The following KANK1 variants were observed in gnomAD, a reference collection of about 807,000 sequenced individuals.
The protein encoded by KANK1 is KN motif and ankyrin repeat domains 1, also known as KN motif and ankyrin repeat domain-containing protein 1.
KANK1 carries 109 observed loss-of-function variants against 106.2 expected under a neutral mutation model. The ratio of observed to expected loss-of-function variants is 1.03; its 90% CI spans 0.88 to 1.20. The LOEUF is 1.20. KANK1 is among the 50% of genes most tolerant of loss of function. The probability of loss-of-function intolerance (pLI) is 0.00; values close to 1 mark genes in which losing one functional copy is unlikely to be tolerated. For synonymous variants in KANK1, 873 were observed against 652.2 expected, an observed-to-expected ratio of 1.34 and a Z score of -5.16; for missense variants, 2,399 against 1,710.7, an observed-to-expected ratio of 1.40 and a Z score of -7.10.
chr9:648,454 A>G (rs1840198623), intron 1 of KANK1, among the ~76,000 whole-genome samples: 1 of 152,202 alleles, frequency 6.6e-6, no homozygotes, highest in Non-Finnish European at 1.5e-5. Context: ...AGACATAGAA[A>G]TGTACCAATT....
chr9:614,751 G>C (rs1276303193), intron 1 of KANK1, among the ~76,000 whole-genome samples: 1 of 152,130 alleles, frequency 6.6e-6, no homozygotes, highest in South Asian at 2.1e-4. Context: ...GGTGTAGGTT[G>C]TGGGCCTTGT....
intron 1 of KANK1, among the ~76,000 whole-genome samples, chr9:654,200 G>C (rs184641628): frequency 6.6e-6 from 1 of 152,202 alleles, no homozygotes; most frequent in Non-Finnish European, 1.5e-5. Context: ...TCAGTAGCCC[G>C]TTGTGGGGCC....
At chr9:472,329 G>A (rs553867880) in intron 2 of KANK1, among the ~76,000 whole-genome samples, 1 of 152,314 alleles carries the variant, frequency 6.6e-6, no homozygotes, top group South Asian at 2.1e-4. Context: ...ACTTTCCTAA[G>A]ATGGGGTTAT....
At chr9:570,986 G>A (rs1819002422) in intron 1 of KANK1, among the ~76,000 whole-genome samples, 1 of 151,908 alleles carries the variant, frequency 6.6e-6, no homozygotes, top group Non-Finnish European at 1.5e-5. Flanking sequence ...GAAATGTTTG[G>A]GTCAGGAGTT....
rs201101791 is a variant in KANK1, at chr9:711,755, C to T, written c.989C>T (p.Ser330Phe). 5 of 1,614,190 alleles carry T rather than the reference C, an allele frequency of 3.1e-6. No individual in the cohort carries two copies. In the Admixed American group the frequency reaches 6.7e-5, roughly 22 times the overall value. ...CGGTCCTATAGTGCGGGGAACGCCT[C>T]CCAGCTGGAACAGCTCTCCCGGGCC... ...RKRSYSAGNA[S>F]QLEQLSRARR... Residue 330 changes from serine (S) to phenylalanine (F), a missense_variant, in exon 3 of 12, where the codon TCC becomes TTC. Physicochemically the swap from Ser to Phe is radical, Grantham distance 155. Coordinates refer to ENST00000382297, the MANE Select transcript of KANK1 (RefSeq NM_015158.5).
chr9:724,705 A>G (rs1353667138), intron 3 of KANK1, among the ~76,000 whole-genome samples: 5 of 152,048 alleles, frequency 3.3e-5, no homozygotes, highest in African/African-American at 4.8e-5. Context: ...AGGAGGCTGA[A>G]GCAGGAGAAT....
intron 1 of KANK1, among the ~76,000 whole-genome samples, chr9:585,052 T>G (rs1348253022): frequency 6.6e-6 from 1 of 152,200 alleles, no homozygotes; most frequent in African/African-American, 2.4e-5. Context: ...TCTGCAGCAT[T>G]TGATGTGTTA....
chr9:624,888 G>A (rs1160140756), intron 1 of KANK1, among the ~76,000 whole-genome samples: 1 of 152,184 alleles, frequency 6.6e-6, no homozygotes, highest in Non-Finnish European at 1.5e-5. Context: ...CATCTCTGAG[G>A]AAAAGGGGTG....
chr9:594,438 G>A (rs555877166), intron 1 of KANK1, among the ~76,000 whole-genome samples: 14 of 151,908 alleles, frequency 9.2e-5, no homozygotes, highest in Middle Eastern at 3.4e-3. Context: ...CAGAAGGATG[G>A]ATGATTAAAA....
chr9:660,339 G>A (rs942949820), intron 1 of KANK1: 6 of 205,698 alleles, frequency 2.9e-5, no homozygotes, highest in East Asian at 1.2e-4. Context: ...GCTGTGGCTC[G>A]CTGAAGCTTG....
intron 1 of KANK1, among the ~76,000 whole-genome samples, chr9:518,633 G>C (rs1450694771): frequency 1.3e-5 from 2 of 151,676 alleles, no homozygotes; most frequent in Non-Finnish European, 2.9e-5. Flanking sequence ...GAGGAGCTGG[G>C]AGGAAGATGA....
At chr9:497,826 C>T (rs893120328) in intron 3 of KANK1, among the ~76,000 whole-genome samples, 11 of 149,446 alleles carry the variant, frequency 7.4e-5, no homozygotes, top group Non-Finnish European at 4.4e-5. Flanking sequence ...GCACTCCAGC[C>T]TGGGCGACAG....
At chr9:634,841 A>G (rs1047932166) in intron 1 of KANK1, among the ~76,000 whole-genome samples, 1 of 152,170 alleles carries the variant, frequency 6.6e-6, no homozygotes, top group Non-Finnish European at 1.5e-5. Context: ...CACTGATATC[A>G]TTAGGGGCCC....
At chr9:736,162 G>T (rs749083504) in intron 7 of KANK1, among the ~76,000 whole-genome samples, 1 of 152,138 alleles carries the variant, frequency 6.6e-6, no homozygotes, top group Admixed American at 6.5e-5. Flanking sequence ...GTTTCACCGT[G>T]TTAGTCAGGA....
intron 1 of KANK1, among the ~76,000 whole-genome samples, chr9:568,189 A>T (rs1008196438): frequency 2.0e-5 from 3 of 152,194 alleles, no homozygotes; most frequent in Non-Finnish European, 4.4e-5. Context: ...AATGCATGTT[A>T]AAAATCAACT....
At chr9:532,237 CTTTTTTT>C (rs34351693) in intron 1 of KANK1, among the ~76,000 whole-genome samples, 1 of 107,768 alleles carries the variant, frequency 9.3e-6, no homozygotes, top group Non-Finnish European at 1.9e-5. Flanking sequence ...GAGCATTTGT[CTTTTTTT>C]TTTTTTTTTT....
chr9:732,395 G>C lies in KANK1; in HGVS notation c.3023G>C (p.Ser1008Thr), dbSNP rs548754374. The change falls in exon 6 of 12, where the codon AGT becomes ACT. Residue 1008 changes from serine to threonine, a missense_variant. By Grantham distance (58) the Ser-to-Thr change is moderately conservative. Transcript: ENST00000382297. ...GINGGYETTSSDDSSSDESSS... is the reference protein window; with the variant it reads ...GINGGYETTSTDDSSSDESSS... ...CCACCTAGGTATGAAACAACTTCAA[G>C]TGATGATTCCAGCTCAGATGAAAGC... is the stretch of plus-strand genomic sequence containing the variant. 10 of 1,611,824 alleles carry C rather than the reference G, an allele frequency of 6.2e-6. No individual in the cohort carries two copies. In the South Asian group the frequency reaches 9.9e-5, roughly 16 times the overall value.
chr9:524,032 A>G (rs568037464), intron 1 of KANK1, among the ~76,000 whole-genome samples: 9 of 151,828 alleles, frequency 5.9e-5, no homozygotes, highest in Admixed American at 2.6e-4. Context: ...TGAGCTGCTG[A>G]TAAGGATTTA....
chr9:507,112 A>G (rs138868015), intron 1 of KANK1, among the ~76,000 whole-genome samples: 22 of 150,686 alleles, frequency 1.5e-4, no homozygotes, highest in African/African-American at 4.4e-4. Flanking sequence ...GGCCTGTTGC[A>G]TGGGTGACAG....
Sources: allele counts gnomAD v4.1 joint callset (sites outside exome capture counted in the v4.1 genomes callset), GRCh38; gene constraint gnomAD v4.1.1; transcripts MANE v1.5; gene names NCBI Gene and HGNC (gene_info 2026-07-23, HGNC 2026-07-21).